Variants in RHOT1 observed in about 807,000 individuals in gnomAD.
The protein encoded by RHOT1 is ras homolog family member T1, also known as mitochondrial Rho GTPase 1.
RHOT1 carries 27 observed loss-of-function variants against 95.3 expected under a neutral mutation model. The ratio of observed to expected loss-of-function variants is 0.28; its 90% CI spans 0.21 to 0.39. RHOT1 has a LOEUF of 0.39. Ranked by LOEUF, RHOT1 falls within the 10% of genes least tolerant of loss-of-function variation. RHOT1 has a pLI of 1.00. For synonymous variants in RHOT1, 227 were observed against 263.5 expected (o/e 0.86, Z 1.34); for missense variants, 578 against 786.7 (o/e 0.73, Z 3.17).
intron 1 of RHOT1, among the ~76,000 whole-genome samples, chr17:32,170,410 A>G (rs2034482626): frequency 6.6e-6 from 1 of 152,172 alleles, no homozygotes; most frequent in African/African-American, 2.4e-5. Flanking sequence ...GTGAGACTCC[A>G]TCTCACAAAA....
intron 16 of RHOT1, among the ~76,000 whole-genome samples, chr17:32,204,707 G>A (rs1043751888): frequency 5.3e-5 from 8 of 151,734 alleles, no homozygotes; most frequent in Non-Finnish European, 1.0e-4. Flanking sequence ...AGAAAAATGG[G>A]TTAGGCATGG....
Position 32,162,218 on chromosome 17 carries a change from C to A in RHOT1, c.38-8825C>A, listed in dbSNP as rs148688570. 9.0e-3 allele frequency among the ~76,000 whole-genome samples: 1,368 copies of A among 152,088 alleles called. 25 individuals are homozygous for A. Among genetic ancestry groups the A allele is most frequent in the African/African-American group, 0.031 (1,295 of 41,478 alleles). On this transcript the variant is annotated intron_variant, in intron 1 of 19. Transcript: ENST00000545287. ...CATCCTGCTAGCATGCTCTGTTGCC[C>A]CCTCCTCCCCACGTGAGTCACCTCA... is the stretch of plus-strand genomic sequence containing the variant.
intron 19 of RHOT1, among the ~76,000 whole-genome samples, chr17:32,213,757 A>G (rs866901378): frequency 9.9e-5 from 15 of 152,200 alleles, no homozygotes; most frequent in African/African-American, 3.1e-4. Context: ...TTACAGATTG[A>G]TTCATTGTCT....
chr17:32,144,689 A>G (rs1416607514), intron 1 of RHOT1, among the ~76,000 whole-genome samples: 6 of 151,820 alleles, frequency 4.0e-5, no homozygotes, highest in Non-Finnish European at 8.8e-5. Context: ...TCTCTACAAA[A>G]AATTTAAATA....
chr17:32,168,503 G>T (rs1467642681), intron 1 of RHOT1, among the ~76,000 whole-genome samples: 1 of 151,756 alleles, frequency 6.6e-6, no homozygotes, highest in African/African-American at 2.4e-5. Context: ...CAAACTCCTG[G>T]CCTCAAGTAG....
chr17:32,174,208 T>C (rs984433497), intron 3 of RHOT1, among the ~76,000 whole-genome samples: 5 of 152,216 alleles, frequency 3.3e-5, no homozygotes, highest in African/African-American at 1.2e-4. Flanking sequence ...AATTGTAAAA[T>C]ATAACTGGAT....
chr17:32,196,581 A>G (rs1340218422), intron 11 of RHOT1, among the ~76,000 whole-genome samples: 1 of 152,132 alleles, frequency 6.6e-6, no homozygotes, highest in East Asian at 1.9e-4. Context: ...GGAAGTCAAT[A>G]CCAAACTATT....
At position 32,211,176 on chromosome 17, in the gene RHOT1, C is replaced by G; in HGVS notation, c.1800C>G (p.Asn600Lys). ...CNRCTFCICQ[N>K]FLNSDLLQSV... ...GGTGTACATTTTGCATCTGTCAGAA[C>G]TTCCTCAACTCAGACTTGCTGCAAT... Residue 600 changes from asparagine to lysine, a missense_variant, in exon 19 of 20, where the codon AAC (asparagine) becomes AAG (lysine). Around this residue, in one of 4 missense-constraint regions of RHOT1, gnomAD observed 296 missense variants for 338.5 expected, o/e 0.87. Transcript: ENST00000545287. The G allele has an allele frequency of 1.2e-6, 2 of 1,612,880 alleles. No individual in the cohort carries two copies. Among genetic ancestry groups the G allele is most frequent in the Non-Finnish European group, 1.7e-6 (2 of 1,179,086 alleles).
Position 32,200,937 on chromosome 17 carries a change from A to G in RHOT1, c.1101-19A>G. ...TTCGTTTAGGAACTTTTCACATTTT[A>G]AACTCTTTTCTTTCATAGGCTCACG... On this transcript the variant is annotated intron_variant, in intron 13 of 19. Coordinates refer to ENST00000545287, the MANE Select transcript of RHOT1 (RefSeq NM_001033566.3). 6.4e-7 allele frequency: 1 copy of G among 1,569,246 alleles called. No homozygotes were observed. Among genetic ancestry groups the G allele is most frequent in the African/African-American group, 1.4e-5 (1 of 73,968 alleles).
intron 3 of RHOT1, among the ~76,000 whole-genome samples, chr17:32,175,067 C>G (rs1053583793): frequency 2.0e-5 from 3 of 152,170 alleles, no homozygotes; most frequent in African/African-American, 7.2e-5. Flanking sequence ...CAACTCTGGA[C>G]CAGATGCTGG....
chr17:32,149,306 A>G (rs909827984), intron 1 of RHOT1, among the ~76,000 whole-genome samples: 4 of 151,324 alleles, frequency 2.6e-5, no homozygotes, highest in Non-Finnish European at 5.9e-5. Flanking sequence ...TATAACTTTT[A>G]TAGTAAATAT....
At chr17:32,146,135 C>G (rs774001228) in intron 1 of RHOT1, among the ~76,000 whole-genome samples, 11 of 152,214 alleles carry the variant, frequency 7.2e-5, no homozygotes, top group Non-Finnish European at 1.3e-4. Context: ...TTATGCTACT[C>G]TCTCCTTCAT....
Position 32,173,811 on chromosome 17 carries a change from ATAT to A in RHOT1, c.97-18_97-16del. 12 of 1,520,952 alleles carry A rather than the reference ATAT, an allele frequency of 7.9e-6. No homozygotes were observed. Among genetic ancestry groups the A allele is most frequent in the Non-Finnish European group, 1.1e-5 (12 of 1,117,540 alleles). 94.2% of individuals were successfully genotyped at this position (1,520,952 alleles called of 1,614,324 possible). Reference sequence around the variant, plus strand: ...TATTCAAAGGTGTTTTTTTTTTTCTATATTTGTTTGTAAATGAAGGTTCCTCCC... The same window carrying A: ...TATTCAAAGGTGTTTTTTTTTTTCTATTGTTTGTAAATGAAGGTTCCTCCC... On this transcript the variant is annotated splice_polypyrimidine_tract_variant and intron_variant, in intron 2 of 19. Transcript: ENST00000545287.
chr17:32,160,476 C>T (rs953207484), intron 1 of RHOT1: 1 of 152,372 alleles, frequency 6.6e-6, no homozygotes, highest in Non-Finnish European at 1.5e-5. Flanking sequence ...AGGGTTGAAA[C>T]ATGCCCCTTG....
intron 19 of RHOT1, 98 bp from the exon 20 acceptor site, chr17:32,224,518 G>A (rs1458515670): frequency 2.8e-6 from 2 of 710,906 alleles, no homozygotes; most frequent in African/African-American, 1.8e-5. Context: ...AGCTTGACAA[G>A]TGTGCTAATA....
rs138195257 is a variant in RHOT1, at chr17:32,168,811, C to T, written c.38-2232C>T. Among the ~76,000 whole-genome samples, 161 of 152,132 alleles carry T rather than the reference C, an allele frequency of 1.1e-3. 1 individual carries two copies. Among genetic ancestry groups the T allele is most frequent in the Admixed American group, 2.0e-3 (30 of 15,276 alleles). Reference sequence around the variant, plus strand: ...ATGGGTTATTCTCTTAAATCTGCAACTAATCTTTTAGTAAGACTTAGAAAA... The same window carrying T: ...ATGGGTTATTCTCTTAAATCTGCAATTAATCTTTTAGTAAGACTTAGAAAA... On this transcript the variant is annotated intron_variant, in intron 1 of 19. Transcript: ENST00000545287.
chr17:32,192,939 A>G (rs2036607111), intron 9 of RHOT1, among the ~76,000 whole-genome samples, 197 bp from the exon 10 acceptor site: 1 of 152,340 alleles, frequency 6.6e-6, no homozygotes, highest in Admixed American at 6.5e-5. Flanking sequence ...TGCTGGGATT[A>G]CAGGCGTGAG....
At chr17:32,209,367 A>G in intron 18 of RHOT1, 1 of 1,609,478 alleles carries the variant, frequency 6.2e-7, no homozygotes. Flanking sequence ...CATTACAGAG[A>G]CAGACTCTCC....
chr17:32,175,015 T>G (rs1177498948), intron 3 of RHOT1, among the ~76,000 whole-genome samples: 2 of 152,232 alleles, frequency 1.3e-5, no homozygotes, highest in African/African-American at 4.8e-5. Context: ...CAGCACCCAG[T>G]CTGCTAGCTT....
Sources: allele counts gnomAD v4.1 joint callset (sites outside exome capture counted in the v4.1 genomes callset), GRCh38; gene constraint gnomAD v4.1.1; regional missense constraint gnomAD v4.1.1; transcripts MANE v1.5; gene names NCBI Gene and HGNC (gene_info 2026-07-23, HGNC 2026-07-21).